Variants in CATSPERT observed in about 807,000 individuals in gnomAD.
The protein encoded by CATSPERT is cation channel sperm-associated targeting subunit tau.
At chr2:201,597,343 C>G in the CATSPERT span, among the ~76,000 whole-genome samples, 1 of 152,202 alleles carries the variant, frequency 6.6e-6, no homozygotes, top group African/African-American at 2.4e-5. Context: ...GAGGCTTACC[C>G]TGTACACACC....
chr2:201,547,599 A>G, the CATSPERT span: 1,558 of 1,498,314 alleles, frequency 1.0e-3, 3 homozygotes, highest in Non-Finnish European at 1.4e-3. Context: ...TTCTTTTTTC[A>G]TCTTTTCCAG....
the CATSPERT span, chr2:201,493,390 G>A: frequency 6.5e-7 from 1 of 1,536,942 alleles, no homozygotes; most frequent in Admixed American, 2.0e-5. Context: ...AAGAGGTTCT[G>A]TCTCGCTTCT....
chr2:201,560,531 A>T, the CATSPERT span, among the ~76,000 whole-genome samples: 1 of 151,858 alleles, frequency 6.6e-6, no homozygotes, highest in African/African-American at 2.4e-5. Context: ...CGCAGAAGAA[A>T]TAGTTTCTGA....
chr2:201,545,758 A>G, the CATSPERT span: 3 of 483,614 alleles, frequency 6.2e-6, no homozygotes, highest in Non-Finnish European at 1.0e-5. Context: ...CCAAATTTAC[A>G]GAAGACAAGA....
At chr2:201,568,873 T>C in the CATSPERT span, among the ~76,000 whole-genome samples, 1 of 152,216 alleles carries the variant, frequency 6.6e-6, no homozygotes, top group African/African-American at 2.4e-5. Flanking sequence ...ATTCCAATTA[T>C]GCATCCTAGA....
the CATSPERT span, among the ~76,000 whole-genome samples, chr2:201,495,121 C>T: frequency 6.6e-6 from 1 of 151,788 alleles, no homozygotes; most frequent in Non-Finnish European, 1.5e-5. Context: ...GTCTCATTTA[C>T]CTAAATATTT....
the CATSPERT span, chr2:201,575,442 T>G: frequency 1.7e-6 from 1 of 603,296 alleles, no homozygotes; most frequent in Non-Finnish European, 2.6e-6. Flanking sequence ...CCATGGCCCA[T>G]TAGGAACTGG....
the CATSPERT span, among the ~76,000 whole-genome samples, chr2:201,608,834 G>A: frequency 3.6e-4 from 52 of 145,706 alleles, no homozygotes; most frequent in South Asian, 8.5e-4. Flanking sequence ...AAAAAAGAAA[G>A]AAACAAACAA....
chr2:201,579,987 G>A, the CATSPERT span, among the ~76,000 whole-genome samples: 5 of 151,732 alleles, frequency 3.3e-5, no homozygotes, highest in African/African-American at 1.2e-4. Flanking sequence ...AAGTCACTTG[G>A]ACTACAGGCA....
chr2:201,491,268 T>C, the CATSPERT span: 1 of 1,537,926 alleles, frequency 6.5e-7, no homozygotes, highest in Non-Finnish European at 8.7e-7. Flanking sequence ...GTATCCTGAC[T>C]ATCTTGTTAA....
the CATSPERT span, among the ~76,000 whole-genome samples, chr2:201,540,074 C>T: frequency 1.3e-5 from 2 of 152,172 alleles, no homozygotes; most frequent in African/African-American, 4.8e-5. Flanking sequence ...AAGCCAAAGC[C>T]TAATCCAGAG....
the CATSPERT span, chr2:201,511,942 T>G: frequency 6.6e-6 from 1 of 151,684 alleles, no homozygotes; most frequent in African/African-American, 2.4e-5. Flanking sequence ...TTGTGACTTG[T>G]TTGTGAAGCA....
At chr2:201,575,596 C>T in the CATSPERT span, among the ~76,000 whole-genome samples, 20 of 152,270 alleles carry the variant, frequency 1.3e-4, no homozygotes, top group South Asian at 6.2e-4. Context: ...AGCACAAAAC[C>T]TATTGTGAAC....
chr2:201,498,627 C>T, the CATSPERT span, among the ~76,000 whole-genome samples: 1 of 152,108 alleles, frequency 6.6e-6, no homozygotes, highest in Non-Finnish European at 1.5e-5. Context: ...ATCTCTCAAT[C>T]CAGTTAAGTT....
the CATSPERT span, among the ~76,000 whole-genome samples, chr2:201,591,438 T>G: frequency 6.6e-6 from 1 of 152,336 alleles, no homozygotes; most frequent in East Asian, 1.9e-4. Flanking sequence ...AGCTTTGTTC[T>G]TTTGGCTTAG....
At chr2:201,566,217 T>A in the CATSPERT span, among the ~76,000 whole-genome samples, 2 of 151,418 alleles carry the variant, frequency 1.3e-5, no homozygotes, top group Non-Finnish European at 2.9e-5. Flanking sequence ...TTTTTTTTTT[T>A]ATTATTATAC....
chr2:201,494,778 G>A, the CATSPERT span: 2 of 1,476,934 alleles, frequency 1.4e-6, no homozygotes, highest in Non-Finnish European at 1.8e-6. Context: ...TTAAAAAAAA[G>A]GTAAGACATT....
At chr2:201,605,069 C>CACAT in the CATSPERT span, among the ~76,000 whole-genome samples, 6 of 150,466 alleles carry the variant, frequency 4.0e-5, no homozygotes, top group African/African-American at 1.2e-4. Flanking sequence ...TACACACACA[C>CACAT]ACACACACAT....
chr2:201,565,665 T>C, the CATSPERT span: 1 of 1,451,560 alleles, frequency 6.9e-7, no homozygotes, highest in Non-Finnish European at 9.1e-7. Flanking sequence ...TAATATATTA[T>C]ACAAATAACA....
Sources: allele counts gnomAD v4.1 joint callset (sites outside exome capture counted in the v4.1 genomes callset), GRCh38; gene constraint gnomAD v4.1.1; transcripts MANE v1.5; gene names NCBI Gene and HGNC (gene_info 2026-07-23, HGNC 2026-07-21).